The following PCNX3 variants were observed in gnomAD, a reference collection of about 807,000 sequenced individuals.
The protein encoded by PCNX3 is pecanex-like protein 3.
Under a neutral mutation model 207.2 loss-of-function variants are expected in PCNX3, and 58 were observed. The observed-to-expected ratio is 0.28, with a 90% CI of 0.23 to 0.35. The LOEUF is 0.35. Ranked by LOEUF, PCNX3 falls within the 10% of genes least tolerant of loss-of-function variation. The pLI is 1.00. For synonymous variants in PCNX3, 1,337 were observed against 1,183.5 expected (o/e 1.13, Z -2.66); for missense variants, 2,410 against 2,774.4 (o/e 0.87, Z 2.95).
Position 65,636,394 on chromosome 11 carries a change from A to G in PCNX3, c.5597A>G (p.Asn1866Ser), listed in dbSNP as rs531593831. 165 of 1,563,634 alleles carry G rather than the reference A, an allele frequency of 1.1e-4. No homozygotes were observed. Among genetic ancestry groups the G allele is most frequent in the South Asian group, 6.5e-4 (54 of 83,644 alleles). Residue 1866 changes from asparagine (N) to serine (S), a missense_variant, in exon 34 of 35, where the codon AAT becomes AGT. Transcript: ENST00000355703. ...CTGTCTTATCTGTCTCCTACAGGCA[A>G]TGGTGACCAACCCCTCCCACCAGGC... is the stretch of plus-strand genomic sequence containing the variant. The part of the protein sequence containing the change: ...AHPTPENTAG[N>S]GDQPLPPGPG...
chr11:65,622,451 A>G (rs1855157845), intron 11 of PCNX3, 85 bp downstream of exon 11: 12 of 1,438,892 alleles, frequency 8.3e-6, no homozygotes, highest in Admixed American at 2.3e-5. Context: ...GGAGGCAGTC[A>G]TGGCAGCAGA....
chr11:65,616,413 C>G lies in PCNX3; in HGVS notation c.102C>G (p.Phe34Leu). 1 of 1,610,648 alleles carries G rather than the reference C, an allele frequency of 6.2e-7. No individual in the cohort carries two copies. The highest frequency in any genetic ancestry group is 8.5e-7 in the Non-Finnish European group (1 of 1,179,498). Residue 34 changes from phenylalanine to leucine, a missense_variant, in exon 1 of 35, where the codon TTC becomes TTG. Transcript: ENST00000355703. ...DPHQSTFSNCFHLYVWIFLLI... is the reference protein window; with the variant it reads ...DPHQSTFSNCLHLYVWIFLLI... ...ACCAGAGCACCTTCTCCAACTGCTT[C>G]CACCTCTATGTCTGGATCTTCCTGC...
chr11:65,625,094 A>C lies in PCNX3; in HGVS notation c.2920-77A>C, dbSNP rs1045857729. ...GGCGGGGCTGTGAACTGGGCTCAGC[A>C]GTGGCTTCTCACACGGGGGCAGCCC... On this transcript the variant is annotated intron_variant, in intron 16 of 34. Transcript: ENST00000355703. The surrounding 1 kb of genome is among the most constrained non-coding windows in gnomAD (Gnocchi z 5.6). The C allele has an allele frequency of 2.3e-5, 36 of 1,555,132 alleles. No homozygotes were observed. The African/African-American group carries it at 3.8e-4, about 16-fold the overall frequency.
Position 65,634,113 on chromosome 11 carries a change from C to T in PCNX3, c.4471-13C>T, listed in dbSNP as rs373825962. 656 of 1,606,484 alleles carry T rather than the reference C, an allele frequency of 4.1e-4. 5 individuals carry two copies. In the South Asian group the frequency reaches 5.8e-3, roughly 14 times the overall value. On this transcript the variant is annotated splice_polypyrimidine_tract_variant and intron_variant, in intron 27 of 34. Transcript: ENST00000355703. ...CCGGGACCCCGGCCTGACGCCTGCC[C>T]CTCCTCTCCCAGAGCATCATCTACT...
rs754162404 is a variant in PCNX3 at position 65,616,472 on chromosome 11, G to T, written c.153+8G>T. 2 of 1,598,294 alleles carry T rather than the reference G, an allele frequency of 1.3e-6. No homozygotes were observed. Among genetic ancestry groups the T allele is most frequent in the East Asian group, 2.3e-5 (1 of 44,326 alleles). On this transcript the variant is annotated splice_region_variant and intron_variant, in intron 1 of 34. Transcript: ENST00000355703. ...CCCTTCTTACTGTACATGGTGAGACGCCACGGCCACCTGTAACTCCAGCCG... is the reference window on the plus strand; with the variant it reads ...CCCTTCTTACTGTACATGGTGAGACTCCACGGCCACCTGTAACTCCAGCCG...
rs1450400206 is a variant in PCNX3 at position 65,627,705 on chromosome 11, C to A, written c.3702+123C>A. On this transcript the variant is annotated intron_variant, in intron 22 of 34. Coordinates refer to ENST00000355703, the MANE Select transcript of PCNX3 (RefSeq NM_032223.4). ...ACCGCTCTGTATCAGCCCCGTGGGCCTTTGCAGCAGCCTCTCAAGGAAGGG... is the reference window on the plus strand; with the variant it reads ...ACCGCTCTGTATCAGCCCCGTGGGCATTTGCAGCAGCCTCTCAAGGAAGGG... The A allele has an allele frequency of 3.3e-6, 4 of 1,210,756 alleles. No individual in the cohort carries two copies. The East Asian group carries it at 9.4e-5, about 29-fold the overall frequency. 75.0% of individuals were successfully genotyped at this position (1,210,756 alleles called of 1,614,324 possible). A position where few individuals can be genotyped will look rare whatever the true frequency, so the allele number is the denominator to read the frequency against.
chr11:65,631,171 AGCCTGGG>A (rs141142107), intron 27 of PCNX3, among the ~76,000 whole-genome samples: 4,112 of 152,132 alleles, frequency 0.027, 162 homozygotes, highest in African/African-American at 0.092. Flanking sequence ...TTCCTGCCTT[AGCCTGGG>A]GGCTCTGAGC....
chr11:65,629,074 A>G, intron 24 of PCNX3, 126 bp downstream of exon 24: 1 of 1,372,294 alleles, frequency 7.3e-7, no homozygotes, highest in Non-Finnish European at 9.8e-7. Flanking sequence ...CAGTGGGGAC[A>G]CATGAGGCGG....
At chr11:65,627,257 AAG>A (rs2135453965) in intron 21 of PCNX3, 146 bp from the exon 22 acceptor site, 1 of 1,140,240 alleles carries the variant, frequency 8.8e-7, no homozygotes, top group South Asian at 1.6e-5. Context: ...AGCAGAGACT[AAG>A]AGTCACGGGC....
Position 65,618,774 on chromosome 11 carries a change from C to T in PCNX3, c.1412C>T (p.Pro471Leu). 1 of 1,611,596 alleles carries T rather than the reference C, an allele frequency of 6.2e-7. No individual in the cohort carries two copies. The highest frequency in any genetic ancestry group is 1.3e-5 in the African/African-American group (1 of 75,022). Residue 471 changes from proline (P) to leucine (L), a missense_variant, in exon 6 of 35, where the codon CCC (proline) becomes CTC (leucine). Physicochemically the swap from Pro to Leu is moderately conservative, Grantham distance 98. Around this residue, in one of 8 missense-constraint regions of PCNX3, gnomAD observed 1,104 missense variants for 970.3 expected, o/e 1.14. Transcript: ENST00000355703. The part of the protein sequence containing the change: ...AAGGPRKRRA[P>L]HGAEEGTAVP... ...GGGGGACCCCGGAAGCGGAGGGCCC[C>T]CCATGGGGCTGAGGAGGGAACTGCT...
Position 65,630,619 on chromosome 11 carries a change from T to G in PCNX3, c.4470+15T>G, listed in dbSNP as rs1301518204. On this transcript the variant is annotated intron_variant, in intron 27 of 34. Coordinates refer to ENST00000355703, the MANE Select transcript of PCNX3 (RefSeq NM_032223.4). ...ACTATGTCAAGGTACGGTGGGCAGG[T>G]GTGGCCGGGCAGCAGGGCCCTTGCG... The G allele has an allele frequency of 7.6e-5, 121 of 1,600,430 alleles. No homozygotes were observed. Among genetic ancestry groups the G allele is most frequent in the Non-Finnish European group, 1.0e-4 (118 of 1,169,930 alleles).
At chr11:65,616,658 G>C (rs78407319) in intron 1 of PCNX3, among the ~76,000 whole-genome samples, 166 bp from the exon 2 acceptor site, 1 of 152,218 alleles carries the variant, frequency 6.6e-6, no homozygotes, top group South Asian at 2.1e-4. Context: ...ATCTCATCCA[G>C]CTAAGCAGAA....
chr11:65,619,617 A>G lies in PCNX3; in HGVS notation c.1786A>G (p.Ser596Gly), dbSNP rs1854967982. 6.2e-7 allele frequency: 1 copy of G among 1,604,714 alleles called. No homozygotes were observed. Among genetic ancestry groups the G allele is most frequent in the Non-Finnish European group, 8.5e-7 (1 of 1,178,680 alleles). The change falls in exon 7 of 35, where the codon AGC becomes GGC. Residue 596 changes from serine to glycine, a missense_variant. Coordinates refer to ENST00000355703, the MANE Select transcript of PCNX3 (RefSeq NM_032223.4). Reference protein sequence around the residue: ...QAIRRRHNAGSNPTPPASVMG... With the variant: ...QAIRRRHNAGGNPTPPASVMG... ...CATTCGGAGACGCCACAATGCAGGC[A>G]GCAACCCCACCCCTCCAGCCTCTGT...
In PCNX3 at chr11:65,625,476, C is replaced by G. The variant is rs937546116; in HGVS notation, c.3101C>G (p.Pro1034Arg). The stretch of plus-strand genomic sequence containing the variant: ...TTGGAGACAGCCCGGGCCGAGCCCC[C>G]GGACCCCTTGCCGGACAAGATGCGC... ...RSLETARAEP[P>R]DPLPDKMRQS... is the part of the protein sequence containing the mutation. The change falls in exon 18 of 35, where the codon CCG (proline) becomes CGG (arginine). Residue 1034 changes from proline to arginine, a missense_variant. By Grantham distance (103) the Pro-to-Arg change is moderately radical. Around this residue, in one of 8 missense-constraint regions of PCNX3, gnomAD observed 333 missense variants for 386.8 expected, o/e 0.86. Coordinates refer to ENST00000355703, the MANE Select transcript of PCNX3 (RefSeq NM_032223.4). This position sits in a 1 kb window ranked among gnomAD's most constrained non-coding sequence, Gnocchi z 5.6. The G allele has an allele frequency of 1.2e-6, 2 of 1,604,464 alleles. No homozygotes were observed. The highest frequency in any genetic ancestry group is 1.7e-6 in the Non-Finnish European group (2 of 1,178,828).
At position 65,619,839 on chromosome 11, in the gene PCNX3, C is replaced by A. The variant is rs1277315070; in HGVS notation, c.1915C>A (p.Leu639Met). 6.2e-7 allele frequency: 1 copy of A among 1,608,014 alleles called. No homozygotes were observed. Among genetic ancestry groups the A allele is most frequent in the Non-Finnish European group, 8.5e-7 (1 of 1,179,112 alleles). ...CTCTGCGCTGCATTTCGCCTCTTCA[C>A]TGTTGCTCACCCGGGCCGGTGCCAA... is the stretch of plus-strand genomic sequence containing the variant. ...LPSALHFASS[L>M]LLTRAGANVH... Residue 639 changes from leucine to methionine, a missense_variant, in exon 8 of 35, where the codon CTG becomes ATG. Around this residue, in one of 8 missense-constraint regions of PCNX3, gnomAD observed 1,104 missense variants for 970.3 expected, o/e 1.14. Transcript: ENST00000355703.
intron 27 of PCNX3, among the ~76,000 whole-genome samples, chr11:65,633,330 G>A (rs116051464): frequency 7.2e-5 from 11 of 152,338 alleles, no homozygotes; most frequent in African/African-American, 2.6e-4. Flanking sequence ...CCCAGCTTTG[G>A]GTACCACATG....
Position 65,618,460 on chromosome 11 carries a change from T to C in PCNX3, c.1098T>C (p.Ile366=). Residue 366 remains isoleucine, a synonymous_variant, in exon 6 of 35, where the codon ATT becomes ATC. Transcript: ENST00000355703. ...DDTLRSFDTV[I]GAGTPPGLAE... is the part of the protein sequence containing the mutation. ...CGCTGCGTTCCTTTGACACGGTCATTGGAGCAGGGACGCCACCGGGCCTGG... is the reference window on the plus strand; with the variant it reads ...CGCTGCGTTCCTTTGACACGGTCATCGGAGCAGGGACGCCACCGGGCCTGG... 1 of 1,610,072 alleles carries C rather than the reference T, an allele frequency of 6.2e-7. No homozygotes were observed.
At position 65,637,020 on chromosome 11, in the gene PCNX3, C is replaced by G; in HGVS notation, c.*42C>G. ...TGGACCACCTCCTAGGATTCAGTAA[C>G]GGACCTGCTCTGCTGCCTCTCTGCT... is the stretch of plus-strand genomic sequence containing the variant. On this transcript the variant is annotated 3_prime_UTR_variant, in exon 35 of 35. Transcript: ENST00000355703. 2 of 1,526,464 alleles carry G rather than the reference C, an allele frequency of 1.3e-6. No individual in the cohort carries two copies. The highest frequency in any genetic ancestry group is 1.8e-6 in the Non-Finnish European group (2 of 1,135,120). The allele number at this position is 1,526,464 out of a possible 1,614,324, so 94.6% of individuals were successfully genotyped here.
chr11:65,618,317 A>G lies in PCNX3; in HGVS notation c.955A>G (p.Asn319Asp), dbSNP rs1204938862. Reference protein sequence around the residue: ...TLSSFKSEKTNSTHLDSPPGG... With the variant: ...TLSSFKSEKTDSTHLDSPPGG... ...GAGCAGCTTCAAGAGTGAGAAGACC[A>G]ACTCCACCCATCTGGACAGCCCCCC... is the stretch of plus-strand genomic sequence containing the variant. Residue 319 changes from asparagine to aspartate, a missense_variant, in exon 6 of 35, where the codon AAC (asparagine) becomes GAC (aspartate). Around this residue, in one of 8 missense-constraint regions of PCNX3, gnomAD observed 1,104 missense variants for 970.3 expected, o/e 1.14. Coordinates refer to ENST00000355703, the MANE Select transcript of PCNX3 (RefSeq NM_032223.4). 6 of 1,610,104 alleles carry G rather than the reference A, an allele frequency of 3.7e-6. No homozygotes were observed. Among genetic ancestry groups the G allele is most frequent in the Non-Finnish European group, 4.2e-6 (5 of 1,177,904 alleles).
Sources: allele counts gnomAD v4.1 joint callset (sites outside exome capture counted in the v4.1 genomes callset), GRCh38; gene constraint gnomAD v4.1.1; regional missense constraint gnomAD v4.1.1; non-coding constraint Gnocchi (gnomAD v3.1); transcripts MANE v1.5; gene names NCBI Gene and HGNC (gene_info 2026-07-23, HGNC 2026-07-21).